TRIOBP: variants seen among roughly 807,000 people sequenced by gnomAD.
TRIOBP encodes TRIO and F-actin-binding protein.
In TRIOBP, 169 loss-of-function variants were observed where a neutral mutation model predicts 238.8. That is an observed-to-expected ratio of 0.71 (90% confidence interval 0.62 to 0.80). The LOEUF (loss-of-function observed/expected upper bound fraction) is 0.80, where lower values mean the gene tolerates loss of function less well. TRIOBP is among the 30% of genes least tolerant of loss of function. The pLI is 0.00. For missense variants in TRIOBP, 2,838 were observed against 3,122.6 expected, an observed-to-expected ratio of 0.91 and a Z score of 2.17; for synonymous variants, 1,150 against 1,274.4, an observed-to-expected ratio of 0.90 and a Z score of 2.08.
intron 9 of TRIOBP, 140 bp from the exon 10 acceptor site, chr22:37,738,502 G>C: frequency 1.3e-6 from 1 of 790,492 alleles, no homozygotes; most frequent in Non-Finnish European, 2.2e-6. Flanking sequence ...TGGATGGTTG[G>C]ATGGATACAT....
intron 11 of TRIOBP, chr22:37,751,248 C>T (rs566919594): frequency 1.4e-5 from 5 of 349,126 alleles, no homozygotes; most frequent in South Asian, 1.1e-4. Flanking sequence ...TAGGCGGGGA[C>T]CAGAGGGTTT....
In TRIOBP at chr22:37,723,431, C is replaced by T. The variant is rs1191881531; in HGVS notation, c.875C>T (p.Ala292Val). ...ATCACCCAAAGGGACACCTCCAGGG[C>T]CTCATCCACCCAACAGGAAATCTCC... ...HRITQRDTSRASSTQQEISRA... is the reference protein window; with the variant it reads ...HRITQRDTSRVSSTQQEISRA... The change falls in exon 7 of 24, where the codon GCC becomes GTC. Residue 292 changes from alanine (A) to valine (V), a missense_variant. Physicochemically the swap from Ala to Val is moderately conservative, Grantham distance 64. This residue lies in a region of TRIOBP where 535 missense variants were observed against 537.3 expected (regional missense o/e 1.00). Coordinates refer to ENST00000644935, the MANE Select transcript of TRIOBP (RefSeq NM_001039141.3). 15 of 1,613,642 alleles carry T rather than the reference C, an allele frequency of 9.3e-6. No homozygotes were observed. Among genetic ancestry groups the T allele is most frequent in the Non-Finnish European group, 1.2e-5 (14 of 1,179,882 alleles).
rs952176407 is a variant in TRIOBP at position 37,757,721 on chromosome 22, C to T, written c.5796C>T (p.Gly1932=). The T allele has an allele frequency of 1.3e-6, 2 of 1,577,466 alleles. No homozygotes were observed. Among genetic ancestry groups the T allele is most frequent in the Non-Finnish European group, 1.7e-6 (2 of 1,162,740 alleles). ...GCTCTGAGGTCATCAGCCGGGGTGG[C>T]CCTCGGAAGGCGGACGGGCAGCGTC... ...RAGSEVISRG[G]PRKADGQRQA... is the part of the protein sequence containing the mutation. Residue 1932 remains glycine, a synonymous_variant, in exon 16 of 24, where the codon GGC becomes GGT. Transcript: ENST00000644935.
intron 3 of TRIOBP, among the ~76,000 whole-genome samples, 178 bp from the exon 4 acceptor site, chr22:37,710,249 G>C (rs561156628): frequency 6.6e-6 from 1 of 152,320 alleles, no homozygotes; most frequent in Admixed American, 6.5e-5. Context: ...AGGTACCTCA[G>C]CCAGCCCTCG....
At chr22:37,770,078 G>A (rs1375395814) in intron 21 of TRIOBP, among the ~76,000 whole-genome samples, 3 of 143,948 alleles carry the variant, frequency 2.1e-5, no homozygotes, top group Non-Finnish European at 4.6e-5. Context: ...GAGTTTTGCT[G>A]TTGTTGCCCA....
chr22:37,770,832 G>A (rs1051487408), intron 21 of TRIOBP, among the ~76,000 whole-genome samples: 11 of 151,868 alleles, frequency 7.2e-5, no homozygotes, highest in African/African-American at 9.7e-5. Context: ...ACAGGCACCC[G>A]CCACCACACC....
chr22:37,758,150 G>C lies in TRIOBP; in HGVS notation c.6213+12G>C. ...CACTGGAGAAGGAGGTAGGCACCAC[G>C]GCTGGCTCTCTAGGAGGCCCCTTGC... On this transcript the variant is annotated intron_variant, in intron 16 of 23. Coordinates refer to ENST00000644935, the MANE Select transcript of TRIOBP (RefSeq NM_001039141.3). 1 of 1,610,558 alleles carries C rather than the reference G, an allele frequency of 6.2e-7. No individual in the cohort carries two copies. Among genetic ancestry groups the C allele is most frequent in the African/African-American group, 1.3e-5 (1 of 74,950 alleles).
chr22:37,719,675 T>A (rs2145828617), intron 6 of TRIOBP, among the ~76,000 whole-genome samples: 1 of 152,226 alleles, frequency 6.6e-6, no homozygotes, highest in East Asian at 1.9e-4. Context: ...AGAATCACTC[T>A]GGGCTCCCCG....
intron 7 of TRIOBP, among the ~76,000 whole-genome samples, chr22:37,732,533 A>G (rs759184999): frequency 6.8e-6 from 1 of 146,186 alleles, no homozygotes; most frequent in Non-Finnish European, 1.5e-5. Context: ...AAAAAAAGAC[A>G]CTTGCTTGGA....
chr22:37,746,064 G>A (rs1431911081), intron 11 of TRIOBP, among the ~76,000 whole-genome samples: 1 of 117,804 alleles, frequency 8.5e-6, no homozygotes, highest in African/African-American at 3.3e-5. Flanking sequence ...CCGCCGTCCC[G>A]CCGCCCCGCC....
chr22:37,770,327 G>C (rs917744815), intron 21 of TRIOBP, among the ~76,000 whole-genome samples: 1 of 150,350 alleles, frequency 6.7e-6, no homozygotes, highest in Non-Finnish European at 1.5e-5. Context: ...GCGGGTGCCT[G>C]TAGTCCCAGC....
Position 37,740,897 on chromosome 22 carries a change from A to G in TRIOBP, c.5187A>G (p.Ala1729=). The G allele has an allele frequency of 6.4e-7, 1 of 1,572,448 alleles. No homozygotes were observed. Among genetic ancestry groups the G allele is most frequent in the Non-Finnish European group, 8.6e-7 (1 of 1,158,716 alleles). The change falls in exon 11 of 24, where the codon GCA becomes GCG. Residue 1729 remains alanine (A), a splice_region_variant and synonymous_variant. Transcript: ENST00000644935. ...CAACACTGGACCCTGTTTGACAGGC[A>G]GACAAGAGGCCAGCAGAGGGCAAGG... The part of the protein sequence containing the change: ...PLTDQKQADS[A]DKRPAEGKAG...
intron 23 of TRIOBP, 84 bp downstream of exon 23, chr22:37,772,848 G>A (rs2145886047): frequency 6.5e-7 from 1 of 1,527,352 alleles, no homozygotes. Flanking sequence ...ACCCCAGCCA[G>A]GCCACTTCCT....
At chr22:37,750,783 G>A (rs1601652813) in intron 11 of TRIOBP, 4 of 466,828 alleles carry the variant, frequency 8.6e-6, no homozygotes, top group Admixed American at 4.7e-5. Context: ...AGAGTGGGTC[G>A]GGAGAGGTGG....
intron 11 of TRIOBP, among the ~76,000 whole-genome samples, chr22:37,745,378 T>C (rs544347376): frequency 2.6e-5 from 4 of 151,196 alleles, no homozygotes; most frequent in Non-Finnish European, 5.9e-5. Flanking sequence ...CACCGAGAGG[T>C]GCCTTGCTTA....
chr22:37,726,706 A>G (rs1179261586), intron 7 of TRIOBP: 2 of 583,022 alleles, frequency 3.4e-6, no homozygotes, highest in Non-Finnish European at 5.7e-6. Context: ...TGGTTAAGTG[A>G]TGTCATGCAC....
intron 15 of TRIOBP, among the ~76,000 whole-genome samples, chr22:37,756,518 T>C (rs1925928309): frequency 6.6e-6 from 1 of 152,238 alleles, no homozygotes; most frequent in African/African-American, 2.4e-5. Flanking sequence ...TTGTGAACTC[T>C]GAAGCACTGT....
chr22:37,697,338 G>A (rs41280037), intron 1 of TRIOBP, among the ~76,000 whole-genome samples: 3,616 of 152,260 alleles, frequency 0.024, 69 homozygotes, highest in Non-Finnish European at 0.037. Flanking sequence ...AGGGGCACGT[G>A]GAGTAGAGCC....
intron 11 of TRIOBP, among the ~76,000 whole-genome samples, chr22:37,748,394 C>T (rs1462448079): frequency 6.6e-6 from 1 of 152,160 alleles, no homozygotes; most frequent in Admixed American, 6.5e-5. Context: ...TTGGGATTCT[C>T]TTCCACCCCT....
Sources: gnomAD v4.1 joint callset for allele counts (sites outside exome capture counted in the v4.1 genomes callset) on GRCh38, gnomAD v4.1.1 for gene constraint, gnomAD v4.1.1 regional missense constraint, MANE v1.5 for transcripts, NCBI Gene and HGNC (gene_info 2026-07-23, HGNC 2026-07-21) for gene names.